Variants in HCN1 observed in about 807,000 individuals in gnomAD.
HCN1 encodes the protein hyperpolarization activated cyclic nucleotide gated potassium channel 1.
A neutral mutation model predicts 78.9 loss-of-function variants in HCN1; 13 were observed. The ratio of observed to expected loss-of-function variants is 0.16; its 90% CI spans 0.11 to 0.26. The LOEUF (loss-of-function observed/expected upper bound fraction) is 0.26. Among genes scored for constraint, HCN1 ranks in the 10% least tolerant of loss-of-function variants. The pLI is 1.00. For missense variants in HCN1, 810 were observed against 1,154.3 expected, an observed-to-expected ratio of 0.70 and a Z score of 4.32; for synonymous variants, 552 against 455.5, an observed-to-expected ratio of 1.21 and a Z score of -2.70.
chr5:45,368,993 C>T (rs2112001668), intron 4 of HCN1, among the ~76,000 whole-genome samples: 1 of 151,996 alleles, frequency 6.6e-6, no homozygotes, highest in African/African-American at 2.4e-5. Context: ...AGGTCATATT[C>T]CCTCCCCTGG....
rs185250156 is a variant in HCN1 at position 45,267,412 on chromosome 5, C to T, written c.1619-159G>A. On this transcript the variant is annotated intron_variant, in intron 6 of 7. Coordinates refer to ENST00000303230, the MANE Select transcript of HCN1 (RefSeq NM_021072.4). ...GCAAATTCCTTCTGACAAAAATATC[C>T]GACTGCCAATACTCAATCTTAAAAT... is the stretch of plus-strand genomic sequence containing the variant. Among the ~76,000 whole-genome samples the T allele has an allele frequency of 7.2e-5, 11 of 151,754 alleles. No homozygotes were observed. In the East Asian group the frequency reaches 1.5e-3, roughly 21 times the overall value.
In HCN1 at chr5:45,353,992, A is replaced by G. The variant is rs896075841; in HGVS notation, c.1231-746T>C. Among the ~76,000 whole-genome samples the G allele has an allele frequency of 2.6e-5, 4 of 151,886 alleles. No individual in the cohort carries two copies. The East Asian group carries it at 5.8e-4, about 22-fold the overall frequency. ...AGGCTTAATTCCCGAGATTGATTCT[A>G]TTGACCTATCTGCCTATTTATATTT... On this transcript the variant is annotated intron_variant, in intron 4 of 7. Coordinates refer to ENST00000303230, the MANE Select transcript of HCN1 (RefSeq NM_021072.4).
intron 2 of HCN1, among the ~76,000 whole-genome samples, chr5:45,557,346 A>G (rs543576508): frequency 2.6e-5 from 4 of 152,140 alleles, no homozygotes; most frequent in South Asian, 4.1e-4. Flanking sequence ...CAGCTTTTAC[A>G]TTTTCAGTTG....
chr5:45,302,374 C>G (rs11740651), intron 6 of HCN1, among the ~76,000 whole-genome samples: 1 of 151,954 alleles, frequency 6.6e-6, no homozygotes. Flanking sequence ...GAGGCCTTCC[C>G]AGCTATGTGG....
At chr5:45,320,551 A>G (rs182394181) in intron 5 of HCN1, among the ~76,000 whole-genome samples, 113 of 151,944 alleles carry the variant, frequency 7.4e-4, no homozygotes, top group Middle Eastern at 3.4e-3. Context: ...GATGTTATAT[A>G]GTCTGCCAGT....
intron 2 of HCN1, among the ~76,000 whole-genome samples, chr5:45,500,250 TGGA>T (rs1271275700): frequency 2.0e-5 from 3 of 152,180 alleles, no homozygotes; most frequent in African/African-American, 7.2e-5. Flanking sequence ...GGCAAAACTC[TGGA>T]GTTCAGGATA....
chr5:45,589,986 G>A (rs572475564), intron 2 of HCN1, among the ~76,000 whole-genome samples: 2 of 152,132 alleles, frequency 1.3e-5, no homozygotes, highest in Admixed American at 1.3e-4. Context: ...AGTCATCAAG[G>A]CAAGATATCA....
intron 2 of HCN1, among the ~76,000 whole-genome samples, chr5:45,585,201 A>G (rs1292702253): frequency 3.3e-5 from 5 of 152,144 alleles, no homozygotes; most frequent in Admixed American, 2.6e-4. Context: ...ACATAGTCCC[A>G]TATTTCTTGG....
intron 2 of HCN1, among the ~76,000 whole-genome samples, chr5:45,593,662 T>TATTATTATC (rs1744432451): frequency 6.7e-6 from 1 of 149,970 alleles, no homozygotes; most frequent in Admixed American, 6.7e-5. Context: ...TTATTATTAT[T>TATTATTATC]ATTATTGAAT....
At chr5:45,539,954 ATATAT>A (rs1743063850) in intron 2 of HCN1, among the ~76,000 whole-genome samples, 4 of 102,588 alleles carry the variant, frequency 3.9e-5, no homozygotes, top group Admixed American at 1.1e-4. Flanking sequence ...ATATATATAT[ATATAT>A]AAAATGTTTA....
At chr5:45,577,960 A>T (rs1221099573) in intron 2 of HCN1, among the ~76,000 whole-genome samples, 1 of 152,078 alleles carries the variant, frequency 6.6e-6, no homozygotes, top group Non-Finnish European at 1.5e-5. Context: ...TTTGTATGCC[A>T]TCTGTAATTC....
chr5:45,574,408 G>A (rs2589178), intron 2 of HCN1, among the ~76,000 whole-genome samples: 6,921 of 152,072 alleles, frequency 0.046, 555 homozygotes, highest in African/African-American at 0.16. Context: ...GGGGTGCCAT[G>A]AACCATGCCA....
At chr5:45,446,828 A>G (rs1740808736) in intron 3 of HCN1, among the ~76,000 whole-genome samples, 2 of 152,236 alleles carry the variant, frequency 1.3e-5, no homozygotes, top group South Asian at 4.1e-4. Flanking sequence ...TTTACAGACA[A>G]GCAAATGCTG....
chr5:45,453,789 A>G (rs1740971353), intron 3 of HCN1, among the ~76,000 whole-genome samples: 1 of 152,166 alleles, frequency 6.6e-6, no homozygotes. Flanking sequence ...TGTTATACAT[A>G]CATGAATACT....
chr5:45,565,203 G>A (rs1743682013), intron 2 of HCN1, among the ~76,000 whole-genome samples: 1 of 152,090 alleles, frequency 6.6e-6, no homozygotes, highest in Non-Finnish European at 1.5e-5. Context: ...ATTCCCAAAT[G>A]TTCTTTTAAG....
chr5:45,351,045 C>T (rs1003194830), intron 5 of HCN1, among the ~76,000 whole-genome samples: 1 of 152,030 alleles, frequency 6.6e-6, no homozygotes, highest in African/African-American at 2.4e-5. Flanking sequence ...CATATGGAAC[C>T]AAAAAAGAGC....
At chr5:45,455,585 G>T (rs1188735774) in intron 3 of HCN1, among the ~76,000 whole-genome samples, 1 of 151,778 alleles carries the variant, frequency 6.6e-6, no homozygotes, top group Admixed American at 6.6e-5. Flanking sequence ...AAGAAGCTAC[G>T]TACAAGAAAG....
At chr5:45,284,763 C>A (rs191541757) in intron 6 of HCN1, among the ~76,000 whole-genome samples, 7 of 152,186 alleles carry the variant, frequency 4.6e-5, no homozygotes, top group Admixed American at 4.6e-4. Flanking sequence ...TTTCTCTTTA[C>A]AGAAGAAGAG....
chr5:45,303,500 T>C lies in HCN1; in HGVS notation c.1618+99A>G, dbSNP rs2111904617. 14 of 1,309,680 alleles carry C rather than the reference T, an allele frequency of 1.1e-5. No homozygotes were observed. The East Asian group carries it at 2.8e-4, about 26-fold the overall frequency. 81.1% of individuals were successfully genotyped at this position (1,309,680 alleles called of 1,614,324 possible). A position where few individuals can be genotyped will look rare whatever the true frequency, so the allele number is the denominator to read the frequency against. ...TCAGAATTCACATACAGGTTTACAT[T>C]CAAAACCAAAAAACTGACATGCTGA... is the stretch of plus-strand genomic sequence containing the variant. On this transcript the variant is annotated intron_variant, in intron 6 of 7. Transcript: ENST00000303230.
Sources: gnomAD v4.1 joint callset for allele counts (sites outside exome capture counted in the v4.1 genomes callset) on GRCh38, gnomAD v4.1.1 for gene constraint, MANE v1.5 for transcripts, NCBI Gene and HGNC (gene_info 2026-07-23, HGNC 2026-07-21) for gene names.